Variants in ACSBG2 observed in about 807,000 individuals in gnomAD.
ACSBG2 encodes acyl-CoA synthetase bubblegum family member 2.
Under a neutral mutation model 74.7 loss-of-function variants are expected in ACSBG2, and 62 were observed. The observed-to-expected ratio is 0.83, with a 90% confidence interval of 0.68 to 1.03. ACSBG2 has a LOEUF of 1.03. Ranked by LOEUF, ACSBG2 falls within the 50% of genes least tolerant of loss-of-function variation. ACSBG2 has a pLI of 0.00. For synonymous variants in ACSBG2, 309 were observed against 294.1 expected, an observed-to-expected ratio of 1.05 and a Z score of -0.52; for missense variants, 730 against 817.6, an observed-to-expected ratio of 0.89 and a Z score of 1.31.
chr19:6,166,026 G>A lies in ACSBG2; in HGVS notation c.738+11G>A. 1 of 1,613,608 alleles carries A rather than the reference G, an allele frequency of 6.2e-7. No individual in the cohort carries two copies. Among genetic ancestry groups the A allele is most frequent in the Non-Finnish European group, 8.5e-7 (1 of 1,179,770 alleles). On this transcript the variant is annotated intron_variant, in intron 7 of 14. Transcript: ENST00000588485. ...CTCAGTCATGACAACGTACGCCAAAGTCCCTTTGCTCTGGAGTGGTGGCCT... is the reference window on the plus strand; with the variant it reads ...CTCAGTCATGACAACGTACGCCAAAATCCCTTTGCTCTGGAGTGGTGGCCT...
chr19:6,156,691 T>C, intron 5 of ACSBG2, 140 bp downstream of exon 5: 1 of 847,110 alleles, frequency 1.2e-6, no homozygotes, highest in African/African-American at 1.8e-5. Flanking sequence ...CATGACCTCA[T>C]TAGTATATGT....
At chr19:6,137,220 G>C (rs1024104585) in intron 1 of ACSBG2, 1 of 143,506 alleles carries the variant, frequency 7.0e-6, no homozygotes, top group Non-Finnish European at 1.5e-5. Context: ...GGGGGGGGGG[G>C]GGGGGCTTGC....
chr19:6,176,535 GACAA>G, intron 7 of ACSBG2: 1 of 402,330 alleles, frequency 2.5e-6, no homozygotes, highest in Middle Eastern at 4.3e-4. Context: ...CTGCAGCACA[GACAA>G]TGGACATCTG....
In ACSBG2 at chr19:6,177,290, T is replaced by C. The variant is rs2090113551; in HGVS notation, c.800T>C (p.Val267Ala). The change falls in exon 8 of 15, where the codon GTG (valine) becomes GCG (alanine). Residue 267 changes from valine to alanine, a missense_variant. Coordinates refer to ENST00000588485, the MANE Select transcript of ACSBG2 (RefSeq NM_030924.5). ...DFKLTDKHETVVSYLPLSHIA... is the reference protein window; with the variant it reads ...DFKLTDKHETAVSYLPLSHIA... Reference sequence around the variant, plus strand: ...AAACTGACAGACAAGCATGAGACGGTGGTTAGCTACCTCCCACTCAGCCAT... The same window carrying C: ...AAACTGACAGACAAGCATGAGACGGCGGTTAGCTACCTCCCACTCAGCCAT... 1 of 1,614,020 alleles carries C rather than the reference T, an allele frequency of 6.2e-7. No individual in the cohort carries two copies. The highest frequency in any genetic ancestry group is 8.5e-7 in the Non-Finnish European group (1 of 1,180,000).
At position 6,156,508 on chromosome 19, in the gene ACSBG2, T is replaced by C. The variant is rs2089424734; in HGVS notation, c.464T>C (p.Ile155Thr). Residue 155 changes from isoleucine (I) to threonine (T), a missense_variant, in exon 5 of 15, where the codon ATC becomes ACC. By Grantham distance (89) the Ile-to-Thr change is moderately conservative (BLOSUM62 -1). Coordinates refer to ENST00000588485, the MANE Select transcript of ACSBG2 (RefSeq NM_030924.5). ...GTCATCACTCATGCCAAAGTGAACA[T>C]CTTGCTGGTTGAGAATGATCAACAG... ...QYVITHAKVN[I>T]LLVENDQQLQ... 2.5e-6 allele frequency: 4 copies of C among 1,596,236 alleles called. No individual in the cohort carries two copies. In the Admixed American group the frequency reaches 5.2e-5, roughly 21 times the overall value.
chr19:6,138,115 G>A (rs1455051007), intron 1 of ACSBG2, among the ~76,000 whole-genome samples: 1 of 152,170 alleles, frequency 6.6e-6, no homozygotes, highest in Non-Finnish European at 1.5e-5. Context: ...TTTAAAGCAA[G>A]CACCAGACAG....
At chr19:6,190,321 C>T in intron 13 of ACSBG2, 2 of 414,752 alleles carry the variant, frequency 4.8e-6, no homozygotes, top group Non-Finnish European at 9.1e-6. Context: ...ATCCCTCCTC[C>T]ATTGGGTGCA....
intron 7 of ACSBG2, chr19:6,176,218 C>T (rs1418709100): frequency 2.7e-6 from 3 of 1,115,102 alleles, no homozygotes; most frequent in Non-Finnish European, 3.6e-6. Flanking sequence ...CAACCATCTA[C>T]TCACCTGGGC....
chr19:6,167,984 C>T (rs1158807530), intron 7 of ACSBG2, among the ~76,000 whole-genome samples: 1 of 147,072 alleles, frequency 6.8e-6, no homozygotes, highest in African/African-American at 2.6e-5. Flanking sequence ...CTCACCCCCA[C>T]CCCCAGTCTA....
chr19:6,187,835 T>C lies in ACSBG2; in HGVS notation c.1917T>C (p.Gly639=). The change falls in exon 13 of 15, where the codon GGT becomes GGC. Residue 639 remains glycine (G), a synonymous_variant. Transcript: ENST00000588485. ...TGGAGAAGGACTTTTCCATCTATGG[T>C]GGAGAGCTAGGTGAGTGGCCATGAC... ...VILEKDFSIY[G]GELGPMMKLK... 1 of 1,614,080 alleles carries C rather than the reference T, an allele frequency of 6.2e-7. No individual in the cohort carries two copies. The highest frequency in any genetic ancestry group is 8.5e-7 in the Non-Finnish European group (1 of 1,179,984).
intron 1 of ACSBG2, among the ~76,000 whole-genome samples, chr19:6,140,731 G>A (rs553720260): frequency 6.6e-6 from 1 of 152,222 alleles, no homozygotes; most frequent in East Asian, 1.9e-4. Context: ...AGGTGGCATT[G>A]ATTTTTACCA....
chr19:6,156,396 G>A (rs572840888), intron 4 of ACSBG2, 35 bp from the exon 5 acceptor site: 1 of 1,573,682 alleles, frequency 6.4e-7, no homozygotes, highest in East Asian at 2.4e-5. Context: ...TAAGGTGTGT[G>A]TGGATGCACA....
intron 8 of ACSBG2, among the ~76,000 whole-genome samples, chr19:6,179,536 C>T (rs2090186697): frequency 6.6e-6 from 1 of 152,098 alleles, no homozygotes; most frequent in African/African-American, 2.4e-5. Flanking sequence ...CTGACATTTT[C>T]CCCAAGTTAC....
In ACSBG2 at chr19:6,161,255, A is replaced by C. The variant is rs748818844; in HGVS notation, c.548A>C (p.Gln183Pro). ...SSLEPLKAII[Q>P]YRLPMKKNNN... The stretch of plus-strand genomic sequence containing the variant: ...CTAGAGCCCCTAAAAGCGATCATCC[A>C]GTACAGACTGCCAATGAAGAAGAAC... Residue 183 changes from glutamine (Q) to proline (P), a missense_variant, in exon 6 of 15, where the codon CAG becomes CCG. By Grantham distance (76) the Gln-to-Pro change is moderately conservative (BLOSUM62 -1). Coordinates refer to ENST00000588485, the MANE Select transcript of ACSBG2 (RefSeq NM_030924.5). 1 of 1,613,450 alleles carries C rather than the reference A, an allele frequency of 6.2e-7. No individual in the cohort carries two copies. The highest frequency in any genetic ancestry group is 8.5e-7 in the Non-Finnish European group (1 of 1,179,572).
At chr19:6,159,424 C>T (rs949171823) in intron 5 of ACSBG2, among the ~76,000 whole-genome samples, 7 of 152,152 alleles carry the variant, frequency 4.6e-5, no homozygotes, top group Non-Finnish European at 1.0e-4. Context: ...GAAAATGCCA[C>T]ATACACAACC....
intron 7 of ACSBG2, among the ~76,000 whole-genome samples, chr19:6,171,949 G>A (rs1206730017): frequency 6.6e-6 from 1 of 151,980 alleles, no homozygotes; most frequent in Non-Finnish European, 1.5e-5. Context: ...TTGTTTGAAA[G>A]ACCATTCTTC....
At chr19:6,188,888 G>C (rs78920565) in intron 13 of ACSBG2, among the ~76,000 whole-genome samples, 9,242 of 152,208 alleles carry the variant, frequency 0.061, 791 homozygotes, top group African/African-American at 0.19. Flanking sequence ...GGCATCAGTA[G>C]TTTCACTGGT....
intron 4 of ACSBG2, among the ~76,000 whole-genome samples, chr19:6,152,271 C>T (rs1280541312): frequency 7.0e-6 from 1 of 142,454 alleles, no homozygotes; most frequent in Middle Eastern, 3.2e-3. Context: ...CACCACCACA[C>T]CCAGCTAATT....
At chr19:6,181,816 C>CCA (rs1555696878) in intron 8 of ACSBG2, among the ~76,000 whole-genome samples, 1 of 107,398 alleles carries the variant, frequency 9.3e-6, no homozygotes, top group East Asian at 3.3e-4. Flanking sequence ...CCCACCCGCC[C>CCA]CCCCCCCCAA....
Sources: gnomAD v4.1 joint callset for allele counts (sites outside exome capture counted in the v4.1 genomes callset) on GRCh38, gnomAD v4.1.1 for gene constraint, MANE v1.5 for transcripts, NCBI Gene and HGNC (gene_info 2026-07-23, HGNC 2026-07-21) for gene names.